Variants in TUBGCP3 observed in about 807,000 individuals in gnomAD.
TUBGCP3 encodes the protein gamma-tubulin complex component 3.
TUBGCP3 carries 50 observed loss-of-function variants against 123.1 expected under a neutral mutation model. The ratio of observed to expected loss-of-function variants is 0.41; its 90% CI spans 0.32 to 0.51. TUBGCP3 has a LOEUF of 0.51. TUBGCP3 is among the 20% of genes least tolerant of loss of function. The probability of loss-of-function intolerance (pLI) is 0.36; values close to 1 mark genes in which losing one functional copy is unlikely to be tolerated. For missense variants in TUBGCP3, 882 were observed against 1,127.0 expected (o/e 0.78, Z 3.11); for synonymous variants, 405 against 413.9 (o/e 0.98, Z 0.26).
chr13:112,543,186 G>A (rs1878676226), intron 11 of TUBGCP3, among the ~76,000 whole-genome samples: 1 of 152,056 alleles, frequency 6.6e-6, no homozygotes, highest in Admixed American at 6.5e-5. Context: ...CAGGTATGCA[G>A]AACCTGGGAA....
chr13:112,527,137 C>T, intron 12 of TUBGCP3, 87 bp from the exon 13 acceptor site: 1 of 1,196,372 alleles, frequency 8.4e-7, no homozygotes, highest in South Asian at 1.4e-5. Context: ...TACAAATTGG[C>T]TATTGATTGA....
chr13:112,531,371 T>C (rs915082174), intron 11 of TUBGCP3, among the ~76,000 whole-genome samples: 2 of 152,234 alleles, frequency 1.3e-5, no homozygotes, highest in African/African-American at 4.8e-5. Context: ...ACAGCAGTAC[T>C]ATCACGGAGG....
At chr13:112,571,405 C>T (rs1881377721) in intron 1 of TUBGCP3, among the ~76,000 whole-genome samples, 1 of 152,184 alleles carries the variant, frequency 6.6e-6, no homozygotes, top group African/African-American at 2.4e-5. Flanking sequence ...GAGCAGCAGA[C>T]CTTAATAGGA....
In TUBGCP3 at chr13:112,524,082, A is replaced by C. The variant is rs1876846365; in HGVS notation, c.1556-1573T>G. Among the ~76,000 whole-genome samples, 1 of 152,122 alleles carries C rather than the reference A, an allele frequency of 6.6e-6. No homozygotes were observed. The highest frequency in any genetic ancestry group is 2.4e-5 in the African/African-American group (1 of 41,418). On this transcript the variant is annotated intron_variant, in intron 13 of 21. Coordinates refer to ENST00000261965, the MANE Select transcript of TUBGCP3 (RefSeq NM_006322.6). This position sits in a 1 kb window ranked among gnomAD's most constrained non-coding sequence, Gnocchi z 4.4. ...CCGTCACCCTCAGCATCTGCAGGGGACCAATCCCACGACCCCCACAGACAC... is the reference window on the plus strand; with the variant it reads ...CCGTCACCCTCAGCATCTGCAGGGGCCCAATCCCACGACCCCCACAGACAC...
chr13:112,528,548 C>T (rs1369021868), intron 11 of TUBGCP3, among the ~76,000 whole-genome samples: 2 of 152,188 alleles, frequency 1.3e-5, no homozygotes, highest in African/African-American at 4.8e-5. Context: ...CTTGACCCAT[C>T]TTGCTATTCA....
intron 16 of TUBGCP3, among the ~76,000 whole-genome samples, chr13:112,517,750 A>G (rs530123859): frequency 2.6e-5 from 4 of 152,192 alleles, no homozygotes; most frequent in African/African-American, 9.6e-5. Context: ...AATTAGCCAG[A>G]CATGGTGGCT....
chr13:112,497,400 A>G (rs1316608436), intron 20 of TUBGCP3, among the ~76,000 whole-genome samples: 2 of 152,214 alleles, frequency 1.3e-5, no homozygotes, highest in East Asian at 3.8e-4. Flanking sequence ...TAGCGATACA[A>G]ATGTTTCCAA....
rs959088728 is a variant in TUBGCP3 at position 112,486,148 on chromosome 13, T to C, written c.2569A>G (p.Ile857Val). ...AGTAACACCAAAAACTGCTGCACGA[T>C]ACCCTAAAAAGAAGCAAAAGGAGTA... ...LRILTHFYQG[I>V]VQQFLVLLTT... The change falls in exon 22 of 22, where the codon ATC (isoleucine) becomes GTC (valine). Residue 857 changes from isoleucine to valine, a missense_variant. Coordinates refer to ENST00000261965, the MANE Select transcript of TUBGCP3 (RefSeq NM_006322.6). 2 of 1,608,618 alleles carry C rather than the reference T, an allele frequency of 1.2e-6. No individual in the cohort carries two copies. The highest frequency in any genetic ancestry group is 1.7e-6 in the Non-Finnish European group (2 of 1,177,844).
intron 1 of TUBGCP3, among the ~76,000 whole-genome samples, chr13:112,577,473 A>G (rs1881909446): frequency 6.6e-6 from 1 of 151,688 alleles, no homozygotes; most frequent in African/African-American, 2.4e-5. Context: ...CAAGATCATG[A>G]AAAAAAAAGT....
At position 112,524,678 on chromosome 13, in the gene TUBGCP3, G is replaced by A. The variant is rs549313892; in HGVS notation, c.1556-2169C>T. On this transcript the variant is annotated intron_variant, in intron 13 of 21. Transcript: ENST00000261965. This position sits in a 1 kb window ranked among gnomAD's most constrained non-coding sequence, Gnocchi z 4.4. ...ATGTCTGAATGCTTTAGGGTGAGAG[G>A]GCCCATGGCTCTCACATGCCTGGAA... Among the ~76,000 whole-genome samples the A allele has an allele frequency of 2.0e-5, 3 of 152,160 alleles. No homozygotes were observed. Among genetic ancestry groups the A allele is most frequent in the Admixed American group, 6.5e-5 (1 of 15,282 alleles).
At position 112,545,723 on chromosome 13, in the gene TUBGCP3, C is replaced by T; in HGVS notation, c.1311G>A (p.Gly437=). Residue 437 remains glycine (G), a synonymous_variant, in exon 11 of 22, where the codon GGG becomes GGA. Transcript: ENST00000261965. This position sits in a 1 kb window ranked among gnomAD's most constrained non-coding sequence, Gnocchi z 4.1. ...CTTCGTGGTAAGTGTCCTCAAGCTCCCCATCATATATCCAGCGGTACAGGA... is the reference window on the plus strand; with the variant it reads ...CTTCGTGGTAAGTGTCCTCAAGCTCTCCATCATATATCCAGCGGTACAGGA... The part of the protein sequence containing the change: ...LSFLYRWIYD[G]ELEDTYHEFF... 6.2e-7 allele frequency: 1 copy of T among 1,613,998 alleles called. No individual in the cohort carries two copies. The highest frequency in any genetic ancestry group is 2.2e-5 in the East Asian group (1 of 44,884).
intron 8 of TUBGCP3, 51 bp downstream of exon 8, chr13:112,554,006 G>A (rs776503703): frequency 6.3e-7 from 1 of 1,587,578 alleles, no homozygotes; most frequent in South Asian, 1.2e-5. Flanking sequence ...ACTAGAGTAA[G>A]CGTTTCCCAA....
chr13:112,584,294 T>C (rs1882463732), intron 1 of TUBGCP3: 1 of 152,244 alleles, frequency 6.6e-6, no homozygotes, highest in South Asian at 2.1e-4. Flanking sequence ...ACAGTTACCA[T>C]ATTAGAAATT....
At position 112,545,911 on chromosome 13, in the gene TUBGCP3, T is replaced by C. The variant is rs1307801986; in HGVS notation, c.1169-46A>G. On this transcript the variant is annotated intron_variant, in intron 10 of 21. Transcript: ENST00000261965. This position sits in a 1 kb window ranked among gnomAD's most constrained non-coding sequence, Gnocchi z 4.1. Reference sequence around the variant, plus strand: ...TACACAAAAACATCCACATTTACACTCATAGTACACACCAGTCACTTCTCA... The same window carrying C: ...TACACAAAAACATCCACATTTACACCCATAGTACACACCAGTCACTTCTCA... 1.3e-6 allele frequency: 2 copies of C among 1,591,564 alleles called. No homozygotes were observed. Among genetic ancestry groups the C allele is most frequent in the Admixed American group, 1.7e-5 (1 of 59,712 alleles).
intron 11 of TUBGCP3, among the ~76,000 whole-genome samples, chr13:112,538,782 G>GA (rs1417628679): frequency 1.3e-5 from 2 of 151,876 alleles, no homozygotes; most frequent in Admixed American, 6.6e-5. Context: ...CCACACACTT[G>GA]AAAAAAATGC....
intron 1 of TUBGCP3, among the ~76,000 whole-genome samples, chr13:112,581,310 G>A (rs942886356): frequency 1.3e-5 from 2 of 149,194 alleles, no homozygotes; most frequent in East Asian, 3.9e-4. Flanking sequence ...AAAATGTTTT[G>A]TGGGGTCACA....
At chr13:112,555,202 G>A (rs938720957) in intron 6 of TUBGCP3, among the ~76,000 whole-genome samples, 197 bp from the exon 7 acceptor site, 2 of 152,228 alleles carry the variant, frequency 1.3e-5, no homozygotes, top group Admixed American at 1.3e-4. Flanking sequence ...TTGGCCTGCT[G>A]TGCCATGAAC....
chr13:112,581,211 C>G (rs1161396083), intron 1 of TUBGCP3, among the ~76,000 whole-genome samples: 2 of 152,176 alleles, frequency 1.3e-5, no homozygotes, highest in Admixed American at 1.3e-4. Context: ...CTTTCTGTCC[C>G]TATTCTAGCT....
At chr13:112,578,217 GGCTCCTT>G (rs60550151) in intron 1 of TUBGCP3, among the ~76,000 whole-genome samples, 22,822 of 151,892 alleles carry the variant, frequency 0.15, 2,007 homozygotes, top group Non-Finnish European at 0.21. Context: ...TAGACTTGCT[GGCTCCTT>G]GCTCCTTGCT....
Sources: gnomAD v4.1 joint callset for allele counts (sites outside exome capture counted in the v4.1 genomes callset) on GRCh38, gnomAD v4.1.1 for gene constraint, Gnocchi (gnomAD v3.1) non-coding constraint, MANE v1.5 for transcripts, NCBI Gene and HGNC (gene_info 2026-07-23, HGNC 2026-07-21) for gene names.